The following IARS1 variants were observed in gnomAD, a reference collection of about 807,000 sequenced individuals.
IARS1 encodes the protein isoleucyl-tRNA synthetase 1, also known as isoleucine--tRNA ligase, cytoplasmic.
Under a neutral mutation model 168.2 loss-of-function variants are expected in IARS1, and 124 were observed. The observed-to-expected ratio is 0.74, with a 90% CI of 0.64 to 0.86. IARS1 has a LOEUF of 0.86. Ranked by LOEUF, IARS1 falls within the 40% of genes least tolerant of loss-of-function variation. The pLI is 0.00. For synonymous variants in IARS1, 532 were observed against 529.4 expected (o/e 1.00, Z -0.07); for missense variants, 1,452 against 1,515.8 (o/e 0.96, Z 0.70).
intron 6 of IARS1, among the ~76,000 whole-genome samples, chr9:92,282,192 A>G (rs996465154): frequency 1.3e-5 from 2 of 152,228 alleles, no homozygotes; most frequent in Non-Finnish European, 2.9e-5. Flanking sequence ...ATAAAAAGAG[A>G]GAAGGATAAA....
At chr9:92,260,288 T>C in intron 17 of IARS1, 54 bp from the exon 18 acceptor site, 1 of 1,103,128 alleles carries the variant, frequency 9.1e-7, no homozygotes, top group Non-Finnish European at 1.4e-6. Context: ...ACAGATGATC[T>C]TGTTTTAAGG....
intron 25 of IARS1, 119 bp from the exon 26 acceptor site, chr9:92,247,670 C>T: frequency 1.2e-6 from 1 of 800,032 alleles, no homozygotes; most frequent in Non-Finnish European, 2.0e-6. Context: ...CTTCAAGTGT[C>T]CATCAACTGT....
chr9:92,231,785 C>T (rs1419311024), intron 30 of IARS1, among the ~76,000 whole-genome samples: 1 of 151,954 alleles, frequency 6.6e-6, no homozygotes, highest in Non-Finnish European at 1.5e-5. Context: ...TAAAAGATTT[C>T]TATTTAATTG....
At chr9:92,288,350 T>G in intron 2 of IARS1, 68 bp from the exon 3 acceptor site, 3 of 1,348,856 alleles carry the variant, frequency 2.2e-6, no homozygotes, top group Non-Finnish European at 2.1e-6. Flanking sequence ...TTTCTATAGA[T>G]AGCTCTTGTC....
intron 25 of IARS1, among the ~76,000 whole-genome samples, chr9:92,248,096 G>T (rs1829485069): frequency 2.6e-5 from 4 of 152,182 alleles, no homozygotes; most frequent in Admixed American, 2.0e-4. Flanking sequence ...ACAGAAAAAG[G>T]ACTCCAGACC....
At chr9:92,292,794 C>T (rs1836587725) in intron 1 of IARS1, among the ~76,000 whole-genome samples, 1 of 152,200 alleles carries the variant, frequency 6.6e-6, no homozygotes, top group South Asian at 2.1e-4. Flanking sequence ...CACATTACTT[C>T]ATATTATTTT....
At chr9:92,282,731 T>C (rs563716522) in intron 6 of IARS1, among the ~76,000 whole-genome samples, 2 of 152,030 alleles carry the variant, frequency 1.3e-5, no homozygotes, top group East Asian at 1.9e-4. Context: ...GTTTGCACCA[T>C]TGCATTCCAG....
At chr9:92,271,206 A>G (rs746178730) in intron 11 of IARS1, 130 bp from the exon 12 acceptor site, 1 of 614,628 alleles carries the variant, frequency 1.6e-6, no homozygotes, top group Non-Finnish European at 2.7e-6. Context: ...ATTTTTAGTC[A>G]CTAACTTTAA....
chr9:92,289,227 A>AG, intron 2 of IARS1, 74 bp downstream of exon 2: 2 of 609,312 alleles, frequency 3.3e-6, no homozygotes, highest in Non-Finnish European at 5.9e-6. Flanking sequence ...AAAAAAAAAA[A>AG]GTATCTGCTT....
intron 18 of IARS1, 54 bp downstream of exon 18, chr9:92,260,097 G>A (rs1587824275): frequency 8.6e-6 from 10 of 1,159,818 alleles, no homozygotes; most frequent in Non-Finnish European, 1.3e-5. Flanking sequence ...TAGTATAGGA[G>A]ATGCTTACAT....
At chr9:92,245,243 C>T (rs1366236623) in intron 26 of IARS1, 172 bp from the exon 27 acceptor site, 14 of 601,476 alleles carry the variant, frequency 2.3e-5, no homozygotes, top group Non-Finnish European at 8.9e-6. Context: ...ACATGACAAA[C>T]TTTCTTTAGA....
chr9:92,276,321 G>A (rs1004295824), intron 9 of IARS1, among the ~76,000 whole-genome samples: 1 of 152,312 alleles, frequency 6.6e-6, no homozygotes, highest in African/African-American at 2.4e-5. Context: ...GCAGGAAAGG[G>A]AAGAGCCAGT....
intron 23 of IARS1, 83 bp downstream of exon 23, chr9:92,250,630 G>A: frequency 7.1e-7 from 1 of 1,418,042 alleles, no homozygotes; most frequent in Non-Finnish European, 9.5e-7. Flanking sequence ...AGCTGGAGCA[G>A]GGAAATCCCT....
chr9:92,211,466 C>T (rs539927019), intron 33 of IARS1, among the ~76,000 whole-genome samples: 2 of 152,238 alleles, frequency 1.3e-5, no homozygotes, highest in South Asian at 4.1e-4. Context: ...GTTACTGAAC[C>T]TGAGGGTGGT....
chr9:92,265,631 T>G, intron 14 of IARS1, 78 bp from the exon 15 acceptor site: 1 of 1,076,874 alleles, frequency 9.3e-7, no homozygotes, highest in Non-Finnish European at 1.4e-6. Context: ...ATAGCATGCA[T>G]GTTTACTTTG....
chr9:92,288,762 G>C, intron 2 of IARS1, among the ~76,000 whole-genome samples: 1 of 152,014 alleles, frequency 6.6e-6, no homozygotes, highest in South Asian at 2.1e-4. Flanking sequence ...AGGGTGACAC[G>C]GAGGATGACA....
Position 92,285,826 on chromosome 9 carries a change from G to A in IARS1, c.493C>T (p.Gln165Ter). Reference protein sequence around the residue: ...FMESVWWVFKQLYDKGLVYRG... With the variant: ...FMESVWWVFK ...TAAACAAGGCCTTTATCATAGAGTT[G>A]TTTGAAGACCCACCTGGTAAGAGAT... Residue 165 changes from glutamine (Q) to a stop codon, truncating the protein, a stop_gained, in exon 6 of 34, where the codon CAA (glutamine) becomes TAA (stop). Transcript: ENST00000443024. LOFTEE classifies it high-confidence loss of function. 1 of 1,598,492 alleles carries A rather than the reference G, an allele frequency of 6.3e-7. No homozygotes were observed. Among genetic ancestry groups the A allele is most frequent in the Non-Finnish European group, 8.6e-7 (1 of 1,166,740 alleles).
chr9:92,242,877 C>T (rs41280215), intron 28 of IARS1: 28,049 of 243,872 alleles, frequency 0.12, 1,962 homozygotes, highest in South Asian at 0.19. Context: ...AGCTAGAAGC[C>T]TGTCTATGCT....
chr9:92,238,182 G>C (rs1469957223), intron 30 of IARS1, among the ~76,000 whole-genome samples: 1 of 152,144 alleles, frequency 6.6e-6, no homozygotes, highest in Admixed American at 6.5e-5. Context: ...GGGATTACAG[G>C]CGTGAGCCAC....
Sources: allele counts gnomAD v4.1 joint callset (sites outside exome capture counted in the v4.1 genomes callset), GRCh38; gene constraint gnomAD v4.1.1; transcripts MANE v1.5; gene names NCBI Gene and HGNC (gene_info 2026-07-23, HGNC 2026-07-21).